CREB3L2: variants seen among roughly 807,000 people sequenced by gnomAD.
CREB3L2 encodes cAMP responsive element binding protein 3 like 2.
Under a neutral mutation model 57.2 loss-of-function variants are expected in CREB3L2, and 23 were observed. The ratio of observed to expected loss-of-function variants is 0.40; its 90% CI spans 0.29 to 0.57. CREB3L2 has a LOEUF of 0.57. Among genes scored for constraint, CREB3L2 ranks in the 20% least tolerant of loss-of-function variants. The probability of loss-of-function intolerance (pLI) is 0.42; values close to 1 mark genes in which losing one functional copy is unlikely to be tolerated. For missense variants in CREB3L2, 628 were observed against 634.7 expected (o/e 0.99, Z 0.11); for synonymous variants, 268 against 265.1 (o/e 1.01, Z -0.11).
intron 1 of CREB3L2, among the ~76,000 whole-genome samples, chr7:137,954,804 T>C (rs1418236693): frequency 6.6e-6 from 1 of 152,182 alleles, no homozygotes. Context: ...CTTTTCTGGT[T>C]GTAAAGTTCC....
At chr7:137,954,262 G>C (rs1007682581) in intron 1 of CREB3L2, among the ~76,000 whole-genome samples, 2 of 151,730 alleles carry the variant, frequency 1.3e-5, no homozygotes, top group African/African-American at 2.4e-5. Flanking sequence ...GTTTACATTT[G>C]GCTTGAATTG....
chr7:137,935,931 T>C, intron 1 of CREB3L2: 2 of 957,184 alleles, frequency 2.1e-6, no homozygotes, highest in Non-Finnish European at 2.5e-6. Flanking sequence ...CAAAGTAGCT[T>C]GCAAGGAAGG....
chr7:137,908,477 A>G (rs762869915), intron 4 of CREB3L2, 41 bp from the exon 5 acceptor site: 132 of 1,238,356 alleles, frequency 1.1e-4, no homozygotes, highest in Non-Finnish European at 1.3e-4. Flanking sequence ...CCAGAGCCAC[A>G]AAGCAGGACA....
At chr7:137,882,849 T>TA (rs1389177855) in intron 10 of CREB3L2, among the ~76,000 whole-genome samples, 5 of 152,010 alleles carry the variant, frequency 3.3e-5, no homozygotes, top group Non-Finnish European at 7.4e-5. Context: ...GGAAGAACAA[T>TA]AGAAAAGCAA....
intron 1 of CREB3L2, among the ~76,000 whole-genome samples, chr7:137,977,572 T>C (rs1801630252): frequency 6.6e-6 from 1 of 151,854 alleles, no homozygotes; most frequent in Admixed American, 6.6e-5. Context: ...ACAGATAGAT[T>C]ATCTATCTAG....
chr7:137,912,781 T>G (rs960289646), intron 4 of CREB3L2: 2 of 1,435,378 alleles, frequency 1.4e-6, no homozygotes, highest in East Asian at 2.5e-5. Flanking sequence ...AGCTGAAATT[T>G]AATCACGTGC....
At chr7:137,963,532 A>C (rs1476469989) in intron 1 of CREB3L2, among the ~76,000 whole-genome samples, 1 of 152,190 alleles carries the variant, frequency 6.6e-6, no homozygotes, top group African/African-American at 2.4e-5. Flanking sequence ...TTAAATTCTG[A>C]GCAAAATGTC....
chr7:137,949,251 C>T (rs1352557122), intron 1 of CREB3L2, among the ~76,000 whole-genome samples: 1 of 152,192 alleles, frequency 6.6e-6, no homozygotes, highest in African/African-American at 2.4e-5. Context: ...GAGGCTGATA[C>T]GGACCCGTGA....
intron 1 of CREB3L2, among the ~76,000 whole-genome samples, chr7:137,950,445 C>T (rs1473571663): frequency 1.3e-5 from 2 of 152,190 alleles, no homozygotes; most frequent in Non-Finnish European, 2.9e-5. Flanking sequence ...ATGCTAACGC[C>T]TCTCATAAAT....
intron 1 of CREB3L2, among the ~76,000 whole-genome samples, chr7:137,942,306 TG>T (rs1047903539): frequency 2.6e-5 from 4 of 152,250 alleles, no homozygotes; most frequent in Non-Finnish European, 4.4e-5. Context: ...AATCTTTCTC[TG>T]GAAGTGGGGT....
chr7:137,971,648 T>C (rs1324582476), intron 1 of CREB3L2, among the ~76,000 whole-genome samples: 2 of 151,340 alleles, frequency 1.3e-5, no homozygotes, highest in Non-Finnish European at 2.9e-5. Context: ...CATAAGTTCT[T>C]ACCTTAATCA....
chr7:137,898,469 A>G (rs1799671735), intron 8 of CREB3L2, among the ~76,000 whole-genome samples: 1 of 152,264 alleles, frequency 6.6e-6, no homozygotes, highest in Admixed American at 6.5e-5. Context: ...ATGTTCATTA[A>G]CGATGAAGAG....
intron 4 of CREB3L2, among the ~76,000 whole-genome samples, chr7:137,912,243 G>A (rs1025328934): frequency 1.3e-5 from 2 of 152,138 alleles, no homozygotes; most frequent in African/African-American, 4.8e-5. Flanking sequence ...TGGGTGTGGT[G>A]GTGCACGCCT....
intron 1 of CREB3L2, among the ~76,000 whole-genome samples, chr7:137,967,315 C>G (rs1328697388): frequency 1.3e-5 from 2 of 152,180 alleles, no homozygotes; most frequent in Non-Finnish European, 2.9e-5. Context: ...GTGAGTGAAT[C>G]TCCATCAGCC....
intron 1 of CREB3L2, among the ~76,000 whole-genome samples, chr7:137,962,052 G>A (rs1311591987): frequency 2.0e-5 from 3 of 151,974 alleles, no homozygotes; most frequent in Non-Finnish European, 1.5e-5. Context: ...CCCCATCTGC[G>A]ACCCCACCGA....
At chr7:137,984,156 A>C (rs1452707770) in intron 1 of CREB3L2, among the ~76,000 whole-genome samples, 5 of 152,218 alleles carry the variant, frequency 3.3e-5, no homozygotes, top group Non-Finnish European at 7.3e-5. Context: ...TGGATTCTAC[A>C]AATTTGGGAA....
At chr7:137,954,507 C>T (rs79776787) in intron 1 of CREB3L2, among the ~76,000 whole-genome samples, 5,911 of 152,194 alleles carry the variant, frequency 0.039, 159 homozygotes, top group Non-Finnish European at 0.055. Context: ...AAGGAAAGAA[C>T]CACAAAGAAA....
intron 1 of CREB3L2, among the ~76,000 whole-genome samples, chr7:137,952,630 C>A (rs1801123662): frequency 6.6e-6 from 1 of 152,138 alleles, no homozygotes; most frequent in Non-Finnish European, 1.5e-5. Flanking sequence ...TGTTTGACAG[C>A]CACCCTACCT....
intron 1 of CREB3L2, among the ~76,000 whole-genome samples, chr7:137,993,096 A>G (rs1376110241): frequency 2.0e-5 from 3 of 152,244 alleles, no homozygotes; most frequent in Non-Finnish European, 2.9e-5. Flanking sequence ...TGCATGAGAG[A>G]GAATAATGAC....
Sources: gnomAD v4.1 joint callset for allele counts (sites outside exome capture counted in the v4.1 genomes callset) on GRCh38, gnomAD v4.1.1 for gene constraint, MANE v1.5 for transcripts, NCBI Gene and HGNC (gene_info 2026-07-23, HGNC 2026-07-21) for gene names.